Variants in RIIAD1 observed in about 807,000 individuals in gnomAD.
The protein encoded by RIIAD1 is regulatory subunit of type II PKA R-subunit domain containing 1.
A neutral mutation model predicts 13.3 loss-of-function variants in RIIAD1; 15 were observed. That is an observed-to-expected ratio of 1.13 (90% CI 0.76 to 1.74). The LOEUF (loss-of-function observed/expected upper bound fraction) is 1.74. Among genes scored for constraint, RIIAD1 ranks in the 40% most tolerant of loss-of-function variants. The probability of loss-of-function intolerance (pLI) is 0.00; values close to 1 mark genes in which losing one functional copy is unlikely to be tolerated. For missense variants in RIIAD1, 121 were observed against 112.2 expected (o/e 1.08, Z -0.35); for synonymous variants, 50 against 43.3 (o/e 1.16, Z -0.61).
At chr1:151,721,388 A>AC (rs1364090194), upstream of RIIAD1, 4 of 407,572 alleles carry the variant, frequency 9.8e-6, no homozygotes, top group Non-Finnish European at 1.3e-5. Context: ...TTAGAGACCC[A>AC]CCCCCCAAGC....
At chr1:151,723,192 C>T (rs929119729) in intron 2 of RIIAD1, among the ~76,000 whole-genome samples, 5 of 151,910 alleles carry the variant, frequency 3.3e-5, no homozygotes, top group Admixed American at 6.6e-5. Context: ...GTCGGGAGTT[C>T]GAGACCAGCC....
chr1:151,724,823 G>A lies in RIIAD1; in HGVS notation c.161+2661G>A, dbSNP rs147126032. Reference sequence around the variant, plus strand: ...AAAGTATTTTTTTTTTTTTTGAGACGGAGTCTCGCTCTGTCGCTTAGGCTG... The same window carrying A: ...AAAGTATTTTTTTTTTTTTTGAGACAGAGTCTCGCTCTGTCGCTTAGGCTG... On this transcript the variant is annotated intron_variant, in intron 2 of 4. Transcript: ENST00000479191. Among the ~76,000 whole-genome samples the A allele has an allele frequency of 8.3e-3, 1,242 of 149,126 alleles. 10 individuals are homozygous for A. Among genetic ancestry groups the A allele is most frequent in the African/African-American group, 0.027 (1,104 of 40,788 alleles).
intron 2 of RIIAD1, among the ~76,000 whole-genome samples, chr1:151,713,314 C>T (rs996254199): frequency 1.3e-5 from 2 of 152,206 alleles, no homozygotes; most frequent in South Asian, 4.1e-4. Context: ...CCTGAGCTGC[C>T]AGGCAGCTGG....
rs34697115 is a variant in RIIAD1 at position 151,724,803 on chromosome 1, A to ATT, written c.161+2654_161+2655dup. The stretch of plus-strand genomic sequence containing the variant: ...AGCCAGGTATGAAATTGTAGAAAGT[A>ATT]TTTTTTTTTTTTTTGAGACGGAGTC... On this transcript the variant is annotated intron_variant, in intron 2 of 4. Coordinates refer to ENST00000479191, the MANE Select transcript of RIIAD1 (RefSeq NM_001144956.3). 1.4e-3 allele frequency among the ~76,000 whole-genome samples: 202 copies of ATT among 146,410 alleles called. 2 individuals are homozygous for ATT. Among genetic ancestry groups the ATT allele is most frequent in the Middle Eastern group, 0.011 (3 of 280 alleles).
chr1:151,721,884 G>A (rs1673743791), intron 1 of RIIAD1: 1 of 599,652 alleles, frequency 1.7e-6, no homozygotes, highest in Non-Finnish European at 3.0e-6. Flanking sequence ...AGACACATCC[G>A]ACCTTAGTAA....
intron 4 of RIIAD1, chr1:151,716,477 G>T (rs1673489114): frequency 6.5e-6 from 2 of 305,846 alleles, no homozygotes; most frequent in South Asian, 5.7e-5. Context: ...TGCCAGCAGC[G>T]TCAGTAAGGG....
At chr1:151,720,747 G>GC (rs562216095), upstream of RIIAD1, among the ~76,000 whole-genome samples, 14 of 152,272 alleles carry the variant, frequency 9.2e-5, no homozygotes, top group East Asian at 2.7e-3. Context: ...GTAGGAGCTC[G>GC]GCATGTGTGT....
chr1:151,724,897 T>A (rs1020570565), intron 2 of RIIAD1, among the ~76,000 whole-genome samples: 1 of 151,962 alleles, frequency 6.6e-6, no homozygotes, highest in Non-Finnish European at 1.5e-5. Flanking sequence ...CCTCCCGTAT[T>A]CACGCCATTC....
intron 3 of RIIAD1, chr1:151,713,696 A>T (rs979531954): frequency 4.6e-5 from 7 of 152,952 alleles, no homozygotes; most frequent in Non-Finnish European, 7.3e-5. Context: ...CAGCTCACAC[A>T]CGTGCATGGC....
intron 4 of RIIAD1, among the ~76,000 whole-genome samples, chr1:151,729,155 G>C (rs1176043699): frequency 6.6e-6 from 1 of 152,172 alleles, no homozygotes; most frequent in Non-Finnish European, 1.5e-5. Flanking sequence ...CAGTAGTTCA[G>C]GGGTAAAGAT....
intron 2 of RIIAD1, among the ~76,000 whole-genome samples, chr1:151,725,926 AT>A (rs1466476482): frequency 6.6e-6 from 1 of 152,064 alleles, no homozygotes; most frequent in Admixed American, 6.6e-5. Flanking sequence ...GCCAGACCAC[AT>A]TTCTGCTCAT....
At chr1:151,727,190 A>C (rs893488986) in intron 2 of RIIAD1, among the ~76,000 whole-genome samples, 1 of 152,106 alleles carries the variant, frequency 6.6e-6, no homozygotes, top group Non-Finnish European at 1.5e-5. Context: ...AGATGGGAGG[A>C]TCTCTTGAGC....
intron 4 of RIIAD1, chr1:151,714,712 G>T (rs889264370): frequency 7.0e-7 from 1 of 1,432,328 alleles, no homozygotes; most frequent in Admixed American, 2.0e-5. Context: ...CACGGCGGGG[G>T]GTGAGTCCTC....
chr1:151,728,898 G>A lies in RIIAD1; in HGVS notation c.*57+5G>A, dbSNP rs1647251641. Reference sequence around the variant, plus strand: ...CAGACGGAATCCAGCCTCGGGGTGGGTGTTAACCTCACTTACAGACAGAGG... The same window carrying A: ...CAGACGGAATCCAGCCTCGGGGTGGATGTTAACCTCACTTACAGACAGAGG... On this transcript the variant is annotated splice_donor_5th_base_variant and intron_variant, in intron 4 of 4. Transcript: ENST00000479191. 1 of 903,176 alleles carries A rather than the reference G, an allele frequency of 1.1e-6. No individual in the cohort carries two copies. The highest frequency in any genetic ancestry group is 1.8e-6 in the Non-Finnish European group (1 of 556,426). 55.9% of individuals were successfully genotyped at this position (903,176 alleles called of 1,614,324 possible). A position where few individuals can be genotyped will look rare whatever the true frequency, so the allele number is the denominator to read the frequency against.
chr1:151,719,790 G>A (rs1195145949), upstream of RIIAD1: 5 of 605,232 alleles, frequency 8.3e-6, no homozygotes, highest in African/African-American at 5.6e-5. Flanking sequence ...CATAGGATGT[G>A]ATCAGTGAAG....
intron 2 of RIIAD1, among the ~76,000 whole-genome samples, chr1:151,723,034 A>G (rs1186124723): frequency 6.6e-6 from 1 of 152,268 alleles, no homozygotes; most frequent in East Asian, 1.9e-4. Context: ...TGCTGTAAGC[A>G]GTCGGTCCCC....
chr1:151,721,584 T>A lies in RIIAD1; in HGVS notation c.48T>A (p.Leu16=). Residue 16 remains leucine (L), a synonymous_variant, in exon 1 of 5, where the codon CTT becomes CTA. Coordinates refer to ENST00000479191, the MANE Select transcript of RIIAD1 (RefSeq NM_001144956.3). The part of the protein sequence containing the change: ...GLLQRPDPGA[L]SAAQLEQLRK... ...TGCAGCGGCCCGACCCCGGGGCGCT[T>A]AGCGCAGCGCAGCTGGAGCAGCTGC... 1.5e-6 allele frequency: 2 copies of A among 1,312,078 alleles called. No individual in the cohort carries two copies. The highest frequency in any genetic ancestry group is 2.0e-5 in the South Asian group (1 of 49,974). The allele number at this position is 1,312,078 out of a possible 1,614,324, so 81.3% of individuals were successfully genotyped here. A position where few individuals can be genotyped will look rare whatever the true frequency, so the allele number is the denominator to read the frequency against.
At chr1:151,719,756 C>T (rs1673702591), upstream of RIIAD1, 2 of 644,240 alleles carry the variant, frequency 3.1e-6, no homozygotes, top group South Asian at 3.4e-5. Context: ...AAAAGTAGCC[C>T]CTCTCATACA....
At position 151,727,638 on chromosome 1, in the gene RIIAD1, C is replaced by A; in HGVS notation, c.208+17C>A. 1.3e-6 allele frequency: 2 copies of A among 1,533,320 alleles called. No homozygotes were observed. The highest frequency in any genetic ancestry group is 1.2e-5 in the South Asian group (1 of 83,702). 95.0% of individuals were successfully genotyped at this position (1,533,320 alleles called of 1,614,324 possible). A position where few individuals can be genotyped will look rare whatever the true frequency, so the allele number is the denominator to read the frequency against. Reference sequence around the variant, plus strand: ...TTGCTGCAGGTGAGTAAGGCAGCGTCGGTTTTGGGTATCTGACAAAGCCAG... The same window carrying A: ...TTGCTGCAGGTGAGTAAGGCAGCGTAGGTTTTGGGTATCTGACAAAGCCAG... On this transcript the variant is annotated intron_variant, in intron 3 of 4. Coordinates refer to ENST00000479191, the MANE Select transcript of RIIAD1 (RefSeq NM_001144956.3).
Sources: gnomAD v4.1 joint callset for allele counts (sites outside exome capture counted in the v4.1 genomes callset) on GRCh38, gnomAD v4.1.1 for gene constraint, MANE v1.5 for transcripts, NCBI Gene and HGNC (gene_info 2026-07-23, HGNC 2026-07-21) for gene names.